Variants in BTBD19 observed in about 807,000 individuals in gnomAD.
The protein encoded by BTBD19 is BTB domain containing 19.
Under a neutral mutation model 36.1 loss-of-function variants are expected in BTBD19, and 20 were observed. That is an observed-to-expected ratio of 0.55 (90% CI 0.39 to 0.80). The LOEUF (loss-of-function observed/expected upper bound fraction) is 0.80. BTBD19 is among the 30% of genes least tolerant of loss of function. The probability of loss-of-function intolerance (pLI) is 0.00; values close to 1 mark genes in which losing one functional copy is unlikely to be tolerated. For missense variants in BTBD19, 325 were observed against 389.8 expected, an observed-to-expected ratio of 0.83 and a Z score of 1.40; for synonymous variants, 157 against 174.3, an observed-to-expected ratio of 0.90 and a Z score of 0.78.
Position 44,810,630 on chromosome 1 carries a change from T to G in BTBD19, c.354+23T>G, listed in dbSNP as rs1352990371. The stretch of plus-strand genomic sequence containing the variant: ...GAGGTGGGTTTTTGTGCCAGGTCCC[T>G]GTCTCATTTCCCTTGCTTCTCACGG... On this transcript the variant is annotated intron_variant, in intron 3 of 7. Coordinates refer to ENST00000450269, the Ensembl canonical transcript of BTBD19. The surrounding 1 kb of genome is among the most constrained non-coding windows in gnomAD (Gnocchi z 4.2). 1 of 1,526,040 alleles carries G rather than the reference T, an allele frequency of 6.6e-7. No individual in the cohort carries two copies. Among genetic ancestry groups the G allele is most frequent in the Non-Finnish European group, 8.8e-7 (1 of 1,132,988 alleles). The allele number at this position is 1,526,040 out of a possible 1,614,324, so 94.5% of individuals were successfully genotyped here.
Position 44,810,142 on chromosome 1 carries a change from C to G in BTBD19, c.87-71C>G. 1 of 1,368,304 alleles carries G rather than the reference C, an allele frequency of 7.3e-7. No homozygotes were observed. The highest frequency in any genetic ancestry group is 1.0e-6 in the Non-Finnish European group (1 of 988,520). The allele number at this position is 1,368,304 out of a possible 1,614,324, so 84.8% of individuals were successfully genotyped here. ...TTAGGAAACTAAGACCCAGAGTGGGCAAAGGCACAGCCCAAGTTGCACTCC... is the reference window on the plus strand; with the variant it reads ...TTAGGAAACTAAGACCCAGAGTGGGGAAAGGCACAGCCCAAGTTGCACTCC... On this transcript the variant is annotated intron_variant, in intron 1 of 7. Transcript: ENST00000450269. This position sits in a 1 kb window ranked among gnomAD's most constrained non-coding sequence, Gnocchi z 4.2.
Position 44,810,669 on chromosome 1 carries a change from C to A in BTBD19, c.354+62C>A. The stretch of plus-strand genomic sequence containing the variant: ...TGCTTCTCACGGGCTCACTTCCCGC[C>A]CTGCCTCACACACACTCTGGCCTGG... On this transcript the variant is annotated intron_variant, in intron 3 of 7. Coordinates refer to ENST00000450269, the Ensembl canonical transcript of BTBD19. The surrounding 1 kb of genome is among the most constrained non-coding windows in gnomAD (Gnocchi z 4.2). 2 of 1,448,176 alleles carry A rather than the reference C, an allele frequency of 1.4e-6. No homozygotes were observed. Among genetic ancestry groups the A allele is most frequent in the Admixed American group, 2.2e-5 (1 of 45,590 alleles). 89.7% of individuals were successfully genotyped at this position (1,448,176 alleles called of 1,614,324 possible).
At position 44,810,077 on chromosome 1, in the gene BTBD19, C is replaced by A; in HGVS notation, c.87-136C>A. On this transcript the variant is annotated intron_variant, in intron 1 of 7. Coordinates refer to ENST00000450269, the Ensembl canonical transcript of BTBD19. This position sits in a 1 kb window ranked among gnomAD's most constrained non-coding sequence, Gnocchi z 4.2. ...GAACTCAGGGCTTTGGGTCCCAGAC[C>A]TTCTGCTGGAGGGACGAAGCCCTGT... is the stretch of plus-strand genomic sequence containing the variant. The A allele has an allele frequency of 1.3e-6, 1 of 782,654 alleles. No individual in the cohort carries two copies. Among genetic ancestry groups the A allele is most frequent in the Non-Finnish European group, 2.1e-6 (1 of 479,772 alleles). The allele number at this position is 782,654 out of a possible 1,614,324, so 48.5% of individuals were successfully genotyped here. A position where few individuals can be genotyped will look rare whatever the true frequency, so the allele number is the denominator to read the frequency against.
exon 1 of BTBD19, chr1:44,808,841 C>T (rs563367247): frequency 6.5e-6 from 10 of 1,549,634 alleles, no homozygotes; most frequent in East Asian, 2.5e-5. Flanking sequence ...TGGGACTGGT[C>T]GTGCATGGGA....
At chr1:44,814,148 CTCTTTCTTTCTTTCTTTCTT>C (rs1553163473), downstream of BTBD19, 297 of 159,380 alleles carry the variant, frequency 1.9e-3, no homozygotes, top group East Asian at 4.8e-3. Flanking sequence ...CTTTTTCTTT[CTCTTTCTTTCTTTCTTTCTT>C]TCTTTCTTTC....
chr1:44,808,803 C>T, exon 1 of BTBD19: 2 of 1,532,284 alleles, frequency 1.3e-6, no homozygotes, highest in Non-Finnish European at 1.8e-6. Flanking sequence ...CCTCCTCCAC[C>T]CCAACCCCTT....
chr1:44,813,061 C>T lies in BTBD19; in HGVS notation c.480C>T (p.Ser160=). Reference sequence around the variant, plus strand: ...GCGTGGCTTTCATAGAGGCCCACAGCCAGGTACTGCTCCCTTCATACTCCT... The same window carrying T: ...GCGTGGCTTTCATAGAGGCCCACAGTCAGGTACTGCTCCCTTCATACTCCT... The change falls in exon 5 of 8, where the codon AGC becomes AGT. Residue 160 remains serine, a synonymous_variant. Transcript: ENST00000450269. The surrounding 1 kb of genome is among the most constrained non-coding windows in gnomAD (Gnocchi z 7.8). 1 of 1,551,330 alleles carries T rather than the reference C, an allele frequency of 6.4e-7. No individual in the cohort carries two copies. Among genetic ancestry groups the T allele is most frequent in the Non-Finnish European group, 8.7e-7 (1 of 1,146,706 alleles).
chr1:44,811,866 TA>T, intron 3 of BTBD19, 172 bp from the exon 4 acceptor site: 1 of 417,866 alleles, frequency 2.4e-6, no homozygotes, highest in Non-Finnish European at 4.7e-6. Context: ...CCAGTTCCTG[TA>T]AGCCTGCTGT....
chr1:44,812,151 G>A, intron 4 of BTBD19, 53 bp downstream of exon 4: 4 of 1,243,448 alleles, frequency 3.2e-6, no homozygotes, highest in Non-Finnish European at 4.3e-6. Context: ...TGTGGAAATG[G>A]GCTCCCAGCA....
Position 44,812,021 on chromosome 1 carries a change from A to T in BTBD19, c.355-18A>T, listed in dbSNP as rs778347484. On this transcript the variant is annotated intron_variant, in intron 3 of 7. Transcript: ENST00000450269. ...GCAGGGACACCGCCACCCAACCCAC[A>T]TTCATTTCTGTTCCCAGCTGTGCCT... The T allele has an allele frequency of 5.9e-5, 77 of 1,304,348 alleles. No homozygotes were observed. Among genetic ancestry groups the T allele is most frequent in the Non-Finnish European group, 7.3e-5 (72 of 988,144 alleles). 80.8% of individuals were successfully genotyped at this position (1,304,348 alleles called of 1,614,324 possible). A position where few individuals can be genotyped will look rare whatever the true frequency, so the allele number is the denominator to read the frequency against.
chr1:44,815,513 C>T (rs568960849), downstream of BTBD19: 5 of 152,282 alleles, frequency 3.3e-5, no homozygotes, highest in South Asian at 6.2e-4. Context: ...GTGTCTTACT[C>T]GTTTCTGCTT....
intron 4 of BTBD19, among the ~76,000 whole-genome samples, chr1:44,812,744 C>T (rs908251611): frequency 6.6e-6 from 1 of 150,680 alleles, no homozygotes; most frequent in Non-Finnish European, 1.5e-5. Context: ...AAGGCCATGG[C>T]GTGGTCTCCT....
At chr1:44,809,576 C>G (rs1652302523) in intron 1 of BTBD19, among the ~76,000 whole-genome samples, 1 of 152,230 alleles carries the variant, frequency 6.6e-6, no homozygotes, top group African/African-American at 2.4e-5. Flanking sequence ...GTGAACCCCC[C>G]AGGCTTTGGA....
chr1:44,813,735 G>A lies in BTBD19; in HGVS notation c.839G>A (p.Arg280Gln), dbSNP rs768855741. The A allele has an allele frequency of 2.6e-6, 4 of 1,551,184 alleles. No homozygotes were observed. In the African/African-American group the frequency reaches 4.1e-5, roughly 16 times the overall value. Residue 280 changes from arginine to glutamine, a missense_variant, in exon 8 of 8, where the codon CGG (arginine) becomes CAG (glutamine). Coordinates refer to ENST00000450269, the Ensembl canonical transcript of BTBD19. This position sits in a 1 kb window ranked among gnomAD's most constrained non-coding sequence, Gnocchi z 7.8. ...CGCCGCCGGAGAGGCACCCTGCCCCGGGAGCATCACCGCTTTCTGGACCTG... is the reference window on the plus strand; with the variant it reads ...CGCCGCCGGAGAGGCACCCTGCCCCAGGAGCATCACCGCTTTCTGGACCTG...
At position 44,810,702 on chromosome 1, in the gene BTBD19, C is replaced by T; in HGVS notation, c.354+95C>T. ...ACACACACTCTGGCCTGGAGAGGAA[C>T]GTGTGCCCACACAGAGAGAAGTATG... On this transcript the variant is annotated intron_variant, in intron 3 of 7. Transcript: ENST00000450269. This position sits in a 1 kb window ranked among gnomAD's most constrained non-coding sequence, Gnocchi z 4.2. The T allele has an allele frequency of 9.0e-6, 11 of 1,221,584 alleles. No individual in the cohort carries two copies. Among genetic ancestry groups the T allele is most frequent in the East Asian group, 3.0e-5 (1 of 33,484 alleles). 75.7% of individuals were successfully genotyped at this position (1,221,584 alleles called of 1,614,324 possible).
chr1:44,809,054 C>T, intron 1 of BTBD19, 148 bp downstream of exon 1: 2 of 621,662 alleles, frequency 3.2e-6, no homozygotes, highest in Non-Finnish European at 5.2e-6. Context: ...AAATGTGGAA[C>T]ATGGCTACTG....
At chr1:44,814,195 TTTCTTTCTTTCTTTC>T (rs1557635609), downstream of BTBD19, 1 of 138,230 alleles carries the variant, frequency 7.2e-6, no homozygotes, top group African/African-American at 4.8e-5. Context: ...TCTTTCTTTC[TTTCTTTCTTTCTTTC>T]TTTTTCTTTC....
intron 1 of BTBD19, among the ~76,000 whole-genome samples, chr1:44,809,913 G>A (rs556114253): frequency 6.7e-6 from 1 of 148,570 alleles, no homozygotes; most frequent in African/African-American, 2.6e-5. Context: ...TAGCCCAGAT[G>A]CCCCTCAGTA....
downstream of BTBD19, chr1:44,815,222 A>T (rs1253546010): frequency 6.6e-6 from 1 of 152,188 alleles, no homozygotes; most frequent in Non-Finnish European, 1.5e-5. Context: ...TTTGATTGTC[A>T]GTCCTATGGG....
Sources: gnomAD v4.1 joint callset for allele counts (sites outside exome capture counted in the v4.1 genomes callset) on GRCh38, gnomAD v4.1.1 for gene constraint, Gnocchi (gnomAD v3.1) non-coding constraint, MANE v1.5 for transcripts, NCBI Gene and HGNC (gene_info 2026-07-23, HGNC 2026-07-21) for gene names.